SPG7: variants seen among roughly 807,000 people sequenced by gnomAD.
SPG7 encodes SPG7 matrix AAA peptidase subunit, paraplegin, also known as mitochondrial inner membrane m-AAA protease component paraplegin.
A neutral mutation model predicts 81.9 loss-of-function variants in SPG7; 103 were observed. The observed-to-expected ratio is 1.26, with a 90% CI of 1.07 to 1.48. SPG7 has a LOEUF of 1.48. Ranked by LOEUF, SPG7 falls within the 40% of genes most tolerant of loss-of-function variation. The probability of loss-of-function intolerance (pLI) is 0.00; values close to 1 mark genes in which losing one functional copy is unlikely to be tolerated. For missense variants in SPG7, 1,241 were observed against 1,087.3 expected, an observed-to-expected ratio of 1.14 and a Z score of -1.99; for synonymous variants, 534 against 444.2, an observed-to-expected ratio of 1.20 and a Z score of -2.54.
intron 2 of SPG7, among the ~76,000 whole-genome samples, chr16:89,511,140 G>C (rs1567894441): frequency 6.6e-6 from 1 of 152,164 alleles, no homozygotes; most frequent in African/African-American, 2.4e-5. Flanking sequence ...ATCTGGCCAA[G>C]TTGTCCTTTT....
intron 9 of SPG7, chr16:89,542,229 T>A (rs912227929): frequency 6.6e-6 from 1 of 152,312 alleles, no homozygotes; most frequent in Admixed American, 6.5e-5. Flanking sequence ...TTCAGAATTC[T>A]GTATCCACAG....
At chr16:89,523,874 G>A (rs1379923500) in intron 3 of SPG7, 132 bp from the exon 4 acceptor site, 1 of 1,134,672 alleles carries the variant, frequency 8.8e-7, no homozygotes, top group Non-Finnish European at 1.3e-6. Flanking sequence ...AAGAATTGGA[G>A]GAAGTGCAGG....
intron 9 of SPG7, chr16:89,539,059 G>A (rs2058464644): frequency 6.6e-6 from 1 of 152,218 alleles, no homozygotes; most frequent in African/African-American, 2.4e-5. Context: ...TTCCCAGTGG[G>A]TGTCTTGACT....
At chr16:89,520,140 G>A (rs992608155) in intron 3 of SPG7, 1 of 152,542 alleles carries the variant, frequency 6.6e-6, no homozygotes, top group East Asian at 1.9e-4. Flanking sequence ...TGTGTGAGCT[G>A]GCGGCTCGTC....
intron 9 of SPG7, chr16:89,536,682 G>A: frequency 1.3e-6 from 2 of 1,550,982 alleles, no homozygotes; most frequent in South Asian, 1.1e-5. Flanking sequence ...ATCGGGCGAG[G>A]CGGGCGGCTG....
At chr16:89,542,719 C>T (rs746415403) in intron 9 of SPG7, among the ~76,000 whole-genome samples, 4 of 152,080 alleles carry the variant, frequency 2.6e-5, no homozygotes, top group Non-Finnish European at 2.9e-5. Flanking sequence ...CTCCTCAGAG[C>T]GTTCAAGGTC....
chr16:89,553,826 A>G lies in SPG7; in HGVS notation c.1969A>G (p.Ile657Val), dbSNP rs201005087. ...GGACGACCTGAGGAAGGTCACCCGCATCGCCTACTCCATGGTGAAGCAGTT... is the reference window on the plus strand; with the variant it reads ...GGACGACCTGAGGAAGGTCACCCGCGTCGCCTACTCCATGGTGAAGCAGTT... ...AQDDLRKVTRIAYSMVKQFGM... is the reference protein window; with the variant it reads ...AQDDLRKVTRVAYSMVKQFGM... The change falls in exon 15 of 17, where the codon ATC (isoleucine) becomes GTC (valine). Residue 657 changes from isoleucine (I) to valine (V), a missense_variant. Ile to Val is a conservative substitution (Grantham distance 29). Transcript: ENST00000645818. 7.6e-5 allele frequency: 123 copies of G among 1,613,550 alleles called. No homozygotes were observed. Among genetic ancestry groups the G allele is most frequent in the Non-Finnish European group, 8.3e-5 (98 of 1,180,022 alleles).
intron 12 of SPG7, chr16:89,548,474 C>T (rs1030510262): frequency 5.2e-5 from 16 of 308,708 alleles, no homozygotes; most frequent in South Asian, 4.2e-4. Flanking sequence ...GGGGGCTGAG[C>T]TCCAGCCGCT....
At chr16:89,552,896 C>T (rs1471626699) in intron 13 of SPG7, 83 bp from the exon 14 acceptor site, 29 of 1,354,898 alleles carry the variant, frequency 2.1e-5, no homozygotes, top group South Asian at 3.6e-5. Flanking sequence ...GCTTTAATGA[C>T]GGAGACCTCT....
intron 10 of SPG7, chr16:89,545,011 T>C (rs542138798): frequency 3.1e-5 from 18 of 574,672 alleles, no homozygotes; most frequent in African/African-American, 2.0e-4. Flanking sequence ...ACCTGCCCAA[T>C]GGCTGCACTC....
At chr16:89,542,767 C>T (rs2058511531) in intron 9 of SPG7, among the ~76,000 whole-genome samples, 1 of 152,054 alleles carries the variant, frequency 6.6e-6, no homozygotes, top group South Asian at 2.1e-4. Context: ...GCCAGGGTCT[C>T]ACTCCATTGC....
chr16:89,534,441 A>C (rs906260223), intron 9 of SPG7, among the ~76,000 whole-genome samples: 1 of 152,250 alleles, frequency 6.6e-6, no homozygotes, highest in Non-Finnish European at 1.5e-5. Flanking sequence ...CTGTGTTAAC[A>C]TAAGTACAAG....
At chr16:89,545,701 C>G (rs1194161204) in intron 10 of SPG7, 1 of 268,484 alleles carries the variant, frequency 3.7e-6, no homozygotes, top group African/African-American at 2.4e-5. Context: ...GAGGGCGGCT[C>G]CTGGCTTTTT....
At chr16:89,543,719 T>C (rs892283249) in intron 9 of SPG7, 1 of 148,968 alleles carries the variant, frequency 6.7e-6, no homozygotes, top group African/African-American at 2.5e-5. Context: ...AGTGGTGTCA[T>C]CTTGGCTCAC....
intron 3 of SPG7, 39 bp from the exon 4 acceptor site, chr16:89,523,967 A>G (rs1192753029): frequency 6.2e-7 from 1 of 1,607,718 alleles, no homozygotes; most frequent in South Asian, 1.1e-5. Context: ...TCTGTTGCTC[A>G]TGTGTTTGTT....
intron 16 of SPG7, chr16:89,556,009 C>G: frequency 5.0e-6 from 2 of 398,746 alleles, no homozygotes; most frequent in Non-Finnish European, 8.8e-6. Context: ...TGGACCCATG[C>G]TCATCACGGT....
intron 12 of SPG7, chr16:89,549,888 AC>A: frequency 1.7e-5 from 3 of 173,406 alleles, no homozygotes; most frequent in South Asian, 1.3e-4. Flanking sequence ...ACCCTGTGGC[AC>A]CCCCCCAACC....
rs2058229780 is a variant in SPG7 at position 89,524,104 on chromosome 16, A to G, written c.475A>G (p.Ser159Gly). Residue 159 changes from serine to glycine, a missense_variant, in exon 4 of 17, where the codon AGC becomes GGC. Coordinates refer to ENST00000645818, the MANE Select transcript of SPG7 (RefSeq NM_003119.4). ...AVVMSLLNAL[S>G]TSGGSISWND... ...TGTCATGAGCCTCCTGAATGCTCTC[A>G]GCACCAGCGGAGGCAGCATTTCCTG... The G allele has an allele frequency of 1.2e-6, 2 of 1,613,906 alleles. No individual in the cohort carries two copies. The highest frequency in any genetic ancestry group is 2.7e-5 in the African/African-American group (2 of 74,890).
At chr16:89,510,429 A>C (rs982566574) in intron 1 of SPG7, 61 bp from the exon 2 acceptor site, 1 of 1,035,854 alleles carries the variant, frequency 9.7e-7, no homozygotes, top group Non-Finnish European at 1.5e-6. Flanking sequence ...TTTAGTCTGC[A>C]TTGCTTTGGT....
Sources: allele counts gnomAD v4.1 joint callset (sites outside exome capture counted in the v4.1 genomes callset), GRCh38; gene constraint gnomAD v4.1.1; transcripts MANE v1.5; gene names NCBI Gene and HGNC (gene_info 2026-07-23, HGNC 2026-07-21).